OOSP2: variants seen among roughly 807,000 people sequenced by gnomAD.
OOSP2 encodes the protein oocyte-secreted protein 2.
A neutral mutation model predicts 13.4 loss-of-function variants in OOSP2; 7 were observed. That is an observed-to-expected ratio of 0.52 (90% CI 0.30 to 0.98). OOSP2 has a LOEUF of 0.98. OOSP2 is among the 50% of genes least tolerant of loss of function. The probability of loss-of-function intolerance (pLI) is 0.07; values close to 1 mark genes in which losing one functional copy is unlikely to be tolerated. For synonymous variants in OOSP2, 75 were observed against 67.2 expected (o/e 1.12, Z -0.57); for missense variants, 184 against 188.5 (o/e 0.98, Z 0.14).
At position 60,042,172 on chromosome 11, in the gene OOSP2, GA is replaced by G. The variant is rs915489837; in HGVS notation, c.65-1289del. Among the ~76,000 whole-genome samples, 155 of 151,634 alleles carry G rather than the reference GA, an allele frequency of 1.0e-3. 1 individual carries two copies. Among genetic ancestry groups the G allele is most frequent in the Non-Finnish European group, 4.4e-4 (30 of 67,592 alleles). On this transcript the variant is annotated intron_variant, in intron 1 of 3. Transcript: ENST00000278855. ...AAACTCGACTTTCTAATGTTACTGT[GA>G]AAAAAAATGCAGTGAAATCATAAGT...
chr11:60,040,454 G>T lies in OOSP2; in HGVS notation c.-6G>T. 1 of 1,576,334 alleles carries T rather than the reference G, an allele frequency of 6.3e-7. No individual in the cohort carries two copies. The highest frequency in any genetic ancestry group is 8.7e-7 in the Non-Finnish European group (1 of 1,145,474). On this transcript the variant is annotated 5_prime_UTR_variant, in exon 1 of 4. Coordinates refer to ENST00000278855, the MANE Select transcript of OOSP2 (RefSeq NM_173801.5). The stretch of plus-strand genomic sequence containing the variant: ...GTGCTGGAGGTCTGCTCAGACGAAG[G>T]TCTCCATGGCGTTAGAAGTCTTGAT...
chr11:60,047,661 A>T lies in OOSP2; in HGVS notation c.*588A>T, dbSNP rs556787103. The T allele has an allele frequency of 1.3e-5, 2 of 152,290 alleles. No individual in the cohort carries two copies. The highest frequency in any genetic ancestry group is 3.9e-4 in the East Asian group (2 of 5,188). The allele number at this position is 152,290 out of a possible 1,614,324, so 9.4% of individuals were successfully genotyped here. Reference sequence around the variant, plus strand: ...TTTATTTTCTAGAGCTCAAGTAACCACTACCTTAACTGAAATTTGATGTTA... The same window carrying T: ...TTTATTTTCTAGAGCTCAAGTAACCTCTACCTTAACTGAAATTTGATGTTA... On this transcript the variant is annotated 3_prime_UTR_variant, in exon 4 of 4. Coordinates refer to ENST00000278855, the MANE Select transcript of OOSP2 (RefSeq NM_173801.5).
At chr11:60,041,820 C>A (rs1415250941) in intron 1 of OOSP2, among the ~76,000 whole-genome samples, 1 of 123,824 alleles carries the variant, frequency 8.1e-6, no homozygotes, top group Non-Finnish European at 1.6e-5. Context: ...CACTGCACTC[C>A]AGCCTGGGTG....
At chr11:60,044,812 G>A (rs778900347) in intron 3 of OOSP2, 38 bp downstream of exon 3, 8 of 969,206 alleles carry the variant, frequency 8.3e-6, no homozygotes, top group South Asian at 7.4e-5. Context: ...GAATGTTTTA[G>A]CTTTACCTTT....
chr11:60,043,418 T>G (rs1565054703), intron 1 of OOSP2, 51 bp from the exon 2 acceptor site: 1 of 1,259,430 alleles, frequency 7.9e-7, no homozygotes, highest in Admixed American at 1.8e-5. Flanking sequence ...CTTTGAACAC[T>G]TTCTTAAGAT....
At chr11:60,046,538 TACTC>T (rs937625175) in intron 3 of OOSP2, among the ~76,000 whole-genome samples, 4 of 152,234 alleles carry the variant, frequency 2.6e-5, no homozygotes, top group Non-Finnish European at 4.4e-5. Context: ...CATATTCACT[TACTC>T]ACATTGACAT....
At chr11:60,045,418 C>G (rs1412017542) in intron 3 of OOSP2, among the ~76,000 whole-genome samples, 1 of 150,184 alleles carries the variant, frequency 6.7e-6, no homozygotes. Flanking sequence ...TCTTATAAAT[C>G]TGAGTGAAGA....
At chr11:60,043,933 A>T (rs544121899) in intron 2 of OOSP2, among the ~76,000 whole-genome samples, 2 of 152,248 alleles carry the variant, frequency 1.3e-5, no homozygotes, top group East Asian at 3.9e-4. Flanking sequence ...ATTTTGTGTG[A>T]TTCTTCTAAT....
At chr11:60,043,199 C>T (rs144848963) in intron 1 of OOSP2, among the ~76,000 whole-genome samples, 1 of 152,192 alleles carries the variant, frequency 6.6e-6, no homozygotes, top group Non-Finnish European at 1.5e-5. Context: ...CCACTGCGCC[C>T]GGCCCATTTA....
intron 3 of OOSP2, among the ~76,000 whole-genome samples, chr11:60,046,364 G>A (rs920205172): frequency 1.3e-5 from 2 of 151,942 alleles, no homozygotes; most frequent in East Asian, 1.9e-4. Flanking sequence ...CTGCCTTTCC[G>A]TAGGCTGCCA....
rs1357933352 is a variant in OOSP2 at position 60,047,788 on chromosome 11, A to C, written c.*715A>C. On this transcript the variant is annotated 3_prime_UTR_variant, in exon 4 of 4. Transcript: ENST00000278855. The stretch of plus-strand genomic sequence containing the variant: ...TCCTGCCACCTAAGAGCATTCATTA[A>C]ATGATTATTTATTACCACCTACTTT... 7 of 152,154 alleles carry C rather than the reference A, an allele frequency of 4.6e-5. No individual in the cohort carries two copies. Among genetic ancestry groups the C allele is most frequent in the Non-Finnish European group, 1.0e-4 (7 of 67,978 alleles). 9.4% of individuals were successfully genotyped at this position (152,154 alleles called of 1,614,324 possible).
rs199805174 is a variant in OOSP2, at chr11:60,043,557, A to T, written c.153A>T (p.Leu51Phe). Residue 51 changes from leucine (L) to phenylalanine (F), a missense_variant, in exon 2 of 4, where the codon TTA becomes TTT. Leu to Phe is a conservative substitution (Grantham distance 22, BLOSUM62 0). Transcript: ENST00000278855. ...ATCTGTATATATTTGCGGATGAATTACATCTGGGAATGGGCTGCCCTGCAA... is the reference window on the plus strand; with the variant it reads ...ATCTGTATATATTTGCGGATGAATTTCATCTGGGAATGGGCTGCCCTGCAA... ...SRNLYIFADE[L>F]HLGMGCPANR... is the part of the protein sequence containing the mutation. 1.9e-4 allele frequency: 303 copies of T among 1,609,942 alleles called. 1 individual carries two copies. Among genetic ancestry groups the T allele is most frequent in the South Asian group, 6.4e-4 (58 of 90,990 alleles).
At chr11:60,045,922 T>C (rs1383446231) in intron 3 of OOSP2, among the ~76,000 whole-genome samples, 2 of 151,984 alleles carry the variant, frequency 1.3e-5, no homozygotes, top group African/African-American at 4.8e-5. Flanking sequence ...TCTCTGTCTC[T>C]ATCTCTGTCT....
chr11:60,045,483 G>A (rs1854996302), intron 3 of OOSP2, among the ~76,000 whole-genome samples: 1 of 151,848 alleles, frequency 6.6e-6, no homozygotes, highest in Non-Finnish European at 1.5e-5. Flanking sequence ...CTTAATATGT[G>A]AAAATAGTTG....
rs112942110 is a variant in OOSP2 at position 60,043,451 on chromosome 11, A to G, written c.65-18A>G. 1 of 1,581,298 alleles carries G rather than the reference A, an allele frequency of 6.3e-7. No homozygotes were observed. Among genetic ancestry groups the G allele is most frequent in the Non-Finnish European group, 8.7e-7 (1 of 1,151,882 alleles). The stretch of plus-strand genomic sequence containing the variant: ...GATAGACACCCTTCTGATGCTTTTC[A>G]TATGGTTCTTTCCACAGTGAAAATA... On this transcript the variant is annotated intron_variant, in intron 1 of 3. Coordinates refer to ENST00000278855, the MANE Select transcript of OOSP2 (RefSeq NM_173801.5).
At chr11:60,041,872 C>CAAAAAAAAAAAAAAAAAA (rs1390816690) in intron 1 of OOSP2, among the ~76,000 whole-genome samples, 1 of 84,844 alleles carries the variant, frequency 1.2e-5, no homozygotes, top group African/African-American at 4.1e-5. Flanking sequence ...AAAAAAAAAG[C>CAAAAAAAAAAAAAAAAAA]AAAACTCCGT....
chr11:60,043,723 T>C lies in OOSP2; in HGVS notation c.243+76T>C, dbSNP rs1275102471. 3.8e-6 allele frequency: 3 copies of C among 792,282 alleles called. No homozygotes were observed. In the Admixed American group the frequency reaches 7.0e-5, roughly 18 times the overall value. 49.1% of individuals were successfully genotyped at this position (792,282 alleles called of 1,614,324 possible). A position where few individuals can be genotyped will look rare whatever the true frequency, so the allele number is the denominator to read the frequency against. ...TATGCCTAGTATTAAAATTGTCTTTTAAAAAAATAATGTTTGCTTCTCATT... is the reference window on the plus strand; with the variant it reads ...TATGCCTAGTATTAAAATTGTCTTTCAAAAAAATAATGTTTGCTTCTCATT... On this transcript the variant is annotated intron_variant, in intron 2 of 3. Transcript: ENST00000278855.
intron 1 of OOSP2, among the ~76,000 whole-genome samples, chr11:60,043,050 G>A (rs997756392): frequency 2.0e-5 from 3 of 151,818 alleles, no homozygotes; most frequent in East Asian, 1.9e-4. Context: ...GACTACAGGC[G>A]CTTGCCACCA....
intron 3 of OOSP2, among the ~76,000 whole-genome samples, chr11:60,046,088 C>G (rs112475966): frequency 1.4e-5 from 2 of 147,646 alleles, no homozygotes; most frequent in South Asian, 2.2e-4. Flanking sequence ...GTCTCTCTCT[C>G]TCTGTCTCTG....
Sources: gnomAD v4.1 joint callset for allele counts (sites outside exome capture counted in the v4.1 genomes callset) on GRCh38, gnomAD v4.1.1 for gene constraint, MANE v1.5 for transcripts, NCBI Gene and HGNC (gene_info 2026-07-23, HGNC 2026-07-21) for gene names.